Variants in SLC28A3 observed in about 807,000 individuals in gnomAD.
SLC28A3 encodes solute carrier family 28 member 3.
In SLC28A3, 68 loss-of-function variants were observed where a neutral mutation model predicts 84.2. That is an observed-to-expected ratio of 0.81 (90% CI 0.66 to 0.99). SLC28A3 has a LOEUF of 0.99. Ranked by LOEUF, SLC28A3 falls within the 50% of genes least tolerant of loss-of-function variation. The pLI, the probability that SLC28A3 is intolerant of heterozygous loss-of-function variation, is 0.00. For synonymous variants in SLC28A3, 267 were observed against 303.6 expected (o/e 0.88, Z 1.25); for missense variants, 712 against 841.5 (o/e 0.85, Z 1.90).
the SLC28A3 span, among the ~76,000 whole-genome samples, chr9:84,346,417 A>T: frequency 6.6e-6 from 1 of 152,226 alleles, no homozygotes; most frequent in Non-Finnish European, 1.5e-5. Context: ...AAAATTTGTA[A>T]AAATTGTGTA....
In SLC28A3 at chr9:84,285,536, A is replaced by G. The variant is rs754342578; in HGVS notation, c.1456T>C (p.Cys486Arg). 151 of 1,614,064 alleles carry G rather than the reference A, an allele frequency of 9.4e-5. No individual in the cohort carries two copies. Among genetic ancestry groups the G allele is most frequent in the Non-Finnish European group, 1.2e-4 (143 of 1,180,028 alleles). Residue 486 changes from cysteine (C) to arginine (R), a missense_variant, in exon 14 of 18, where the codon TGC (cysteine) becomes CGC (arginine). By Grantham distance (180) the Cys-to-Arg change is radical. Transcript: ENST00000376238. ...DYPQLSFELI[C>R]SYIFMPFSFM... ...GAAAAGGGCATGAAGATGTAGGAGC[A>G]GATTAGCTACAGAAACCAAAAGTAG...
At chr9:84,289,143 C>G (rs1309035635) in intron 11 of SLC28A3, among the ~76,000 whole-genome samples, 1 of 152,138 alleles carries the variant, frequency 6.6e-6, no homozygotes, top group African/African-American at 2.4e-5. Context: ...TGTTCCTGTT[C>G]CCCCCAGAAC....
At chr9:84,314,977 T>G (rs1181931996) in intron 1 of SLC28A3, among the ~76,000 whole-genome samples, 1 of 152,188 alleles carries the variant, frequency 6.6e-6, no homozygotes, top group Admixed American at 6.5e-5. Flanking sequence ...CTTGGGAGGC[T>G]GAGGCAGGAG....
chr9:84,313,805 T>C (rs1034685692), intron 1 of SLC28A3, among the ~76,000 whole-genome samples: 8 of 149,572 alleles, frequency 5.3e-5, no homozygotes, highest in Admixed American at 2.7e-4. Context: ...GAGAATTGCT[T>C]GAGCCCCAGA....
At chr9:84,338,399 G>A (rs904670395) in intron 1 of SLC28A3, among the ~76,000 whole-genome samples, 2 of 152,218 alleles carry the variant, frequency 1.3e-5, no homozygotes, top group African/African-American at 4.8e-5. Flanking sequence ...CTTGGCAGGA[G>A]TTATGAGGCC....
At position 84,278,156 on chromosome 9, in the gene SLC28A3, T is replaced by TTC. The variant is rs1554722118; in HGVS notation, c.*61_*62insGA. On this transcript the variant is annotated 3_prime_UTR_variant, in exon 18 of 18. Coordinates refer to ENST00000376238, the MANE Select transcript of SLC28A3 (RefSeq NM_001199633.2). ...TGTGGACAATAGCTTCTTTTTTTTT[T>TTC]CTTTCCAAAGCAGAAAATTCAGCAT... The TTC allele has an allele frequency of 7.5e-5, 116 of 1,539,590 alleles. No individual in the cohort carries two copies. The highest frequency in any genetic ancestry group is 9.4e-5 in the Non-Finnish European group (108 of 1,142,884).
chr9:84,348,847 C>T, the SLC28A3 span, among the ~76,000 whole-genome samples: 1 of 152,184 alleles, frequency 6.6e-6, no homozygotes, highest in African/African-American at 2.4e-5. Flanking sequence ...AGGCCCTCTC[C>T]AGCGGCTAGT....
the SLC28A3 span, among the ~76,000 whole-genome samples, chr9:84,352,902 A>AAAC: frequency 6.6e-6 from 1 of 151,242 alleles, no homozygotes; most frequent in African/African-American, 2.4e-5. Context: ...CAAAAAAAAA[A>AAAC]AAAAAAAAAA....
At chr9:84,335,966 CTGGTTTGGATTA>C (rs1278572385) in intron 1 of SLC28A3, among the ~76,000 whole-genome samples, 9 of 152,036 alleles carry the variant, frequency 5.9e-5, no homozygotes, top group South Asian at 2.1e-4. Flanking sequence ...TGCCTTTAGC[CTGGTTTGGATTA>C]TGACAGTAAC....
chr9:84,313,713 C>A (rs1263459287), intron 1 of SLC28A3, among the ~76,000 whole-genome samples: 2 of 151,668 alleles, frequency 1.3e-5, no homozygotes, highest in African/African-American at 4.8e-5. Context: ...TGGGCAAAAT[C>A]CTGTGTCTAC....
intron 1 of SLC28A3, among the ~76,000 whole-genome samples, chr9:84,332,953 G>C (rs1449636568): frequency 6.6e-6 from 1 of 152,048 alleles, no homozygotes; most frequent in Non-Finnish European, 1.5e-5. Context: ...ACTGACAAAG[G>C]GCTTGTCAAT....
chr9:84,361,805 C>G, the SLC28A3 span, among the ~76,000 whole-genome samples: 1 of 151,752 alleles, frequency 6.6e-6, no homozygotes, highest in South Asian at 2.1e-4. Context: ...CTCAGCTACT[C>G]AGAAAGCTGA....
intron 11 of SLC28A3, among the ~76,000 whole-genome samples, chr9:84,289,697 T>G (rs938457758): frequency 6.6e-6 from 1 of 152,224 alleles, no homozygotes; most frequent in Non-Finnish European, 1.5e-5. Flanking sequence ...GTTGTCTTTG[T>G]GGATCACAAC....
chr9:84,350,009 A>G, the SLC28A3 span, among the ~76,000 whole-genome samples: 1 of 152,248 alleles, frequency 6.6e-6, no homozygotes, highest in African/African-American at 2.4e-5. Flanking sequence ...AAACACACCT[A>G]GGTTATATGG....
At chr9:84,363,662 T>C in the SLC28A3 span, among the ~76,000 whole-genome samples, 2 of 152,196 alleles carry the variant, frequency 1.3e-5, no homozygotes, top group East Asian at 3.8e-4. Context: ...AGATAAAAGA[T>C]GGCTGTGCCC....
intron 2 of SLC28A3, among the ~76,000 whole-genome samples, chr9:84,310,220 G>GTTTTT (rs1825944757): frequency 2.0e-5 from 3 of 152,152 alleles, no homozygotes; most frequent in African/African-American, 7.2e-5. Context: ...CTCCCCTTGG[G>GTTTTT]AACTAGGATC....
intron 4 of SLC28A3, 82 bp downstream of exon 4, chr9:84,305,172 C>A: frequency 8.7e-7 from 1 of 1,151,662 alleles, no homozygotes. Context: ...AATCTTTTTC[C>A]ACATAAAGTT....
intron 1 of SLC28A3, among the ~76,000 whole-genome samples, chr9:84,314,912 A>G (rs1180574058): frequency 6.6e-6 from 1 of 152,138 alleles, no homozygotes; most frequent in African/African-American, 2.4e-5. Flanking sequence ...CCCCGTCTCT[A>G]CTAAAAATAC....
upstream of SLC28A3, among the ~76,000 whole-genome samples, chr9:84,342,095 T>C (rs1588633104): frequency 7.9e-6 from 1 of 125,990 alleles, no homozygotes; most frequent in African/African-American, 3.2e-5. Context: ...CACCGCTGCC[T>C]CCCATCTGGA....
Sources: gnomAD v4.1 joint callset for allele counts (sites outside exome capture counted in the v4.1 genomes callset) on GRCh38, gnomAD v4.1.1 for gene constraint, MANE v1.5 for transcripts, NCBI Gene and HGNC (gene_info 2026-07-23, HGNC 2026-07-21) for gene names.